IMMP2L: variants seen among roughly 807,000 people sequenced by gnomAD.
IMMP2L encodes inner mitochondrial membrane peptidase subunit 2.
Under a neutral mutation model 19.3 loss-of-function variants are expected in IMMP2L, and 18 were observed. The observed-to-expected ratio is 0.93, with a 90% confidence interval of 0.64 to 1.38. The LOEUF is 1.38. Among genes scored for constraint, IMMP2L ranks in the 40% most tolerant of loss-of-function variants. IMMP2L has a pLI of 0.00. For synonymous variants in IMMP2L, 76 were observed against 73.0 expected (o/e 1.04, Z -0.21); for missense variants, 233 against 218.2 (o/e 1.07, Z -0.43).
intron 3 of IMMP2L, among the ~76,000 whole-genome samples, chr7:111,087,172 G>A (rs367652949): frequency 5.3e-5 from 8 of 152,076 alleles, no homozygotes; most frequent in Admixed American, 2.0e-4. Context: ...TATCTTTGCC[G>A]GGCGCGGTGG....
At chr7:111,179,856 C>A (rs1035834748) in intron 3 of IMMP2L, among the ~76,000 whole-genome samples, 1 of 152,046 alleles carries the variant, frequency 6.6e-6, no homozygotes, top group Non-Finnish European at 1.5e-5. Context: ...TGCTGCTTTA[C>A]CTTACACTTT....
At chr7:111,124,677 C>A in intron 3 of IMMP2L, 1 of 1,613,728 alleles carries the variant, frequency 6.2e-7, no homozygotes, top group Non-Finnish European at 8.5e-7. Context: ...GTCTTGGAGG[C>A]CTTCTGGGGA....
chr7:110,952,460 T>G (rs896386956), intron 4 of IMMP2L, among the ~76,000 whole-genome samples: 7 of 152,130 alleles, frequency 4.6e-5, no homozygotes, highest in Admixed American at 1.3e-4. Context: ...GCTCCAAGTG[T>G]GATCTGCTTC....
At chr7:111,385,805 T>C (rs2131276417) in intron 3 of IMMP2L, among the ~76,000 whole-genome samples, 1 of 152,272 alleles carries the variant, frequency 6.6e-6, no homozygotes, top group African/African-American at 2.4e-5. Context: ...TCTTTTCCAA[T>C]GAAATATGTG....
At chr7:110,675,468 T>C (rs1430479219) in intron 5 of IMMP2L, among the ~76,000 whole-genome samples, 1 of 152,202 alleles carries the variant, frequency 6.6e-6, no homozygotes, top group Non-Finnish European at 1.5e-5. Context: ...TACTGCAAGG[T>C]TGTCGCATCA....
chr7:111,258,087 T>C (rs781501135), intron 3 of IMMP2L, among the ~76,000 whole-genome samples: 2 of 152,132 alleles, frequency 1.3e-5, no homozygotes, highest in Non-Finnish European at 2.9e-5. Context: ...CATGTTTTCC[T>C]AGCACAATGA....
intron 3 of IMMP2L, among the ~76,000 whole-genome samples, chr7:111,238,013 T>C (rs1458327266): frequency 1.3e-5 from 2 of 152,246 alleles, no homozygotes; most frequent in East Asian, 3.9e-4. Flanking sequence ...AGTTTAATGT[T>C]ATGCTGCCTA....
intron 2 of IMMP2L, among the ~76,000 whole-genome samples, chr7:111,511,524 C>T (rs1278562425): frequency 6.6e-6 from 1 of 151,800 alleles, no homozygotes; most frequent in Non-Finnish European, 1.5e-5. Flanking sequence ...TGGTGCAAGC[C>T]TGTAATCCCA....
intron 5 of IMMP2L, among the ~76,000 whole-genome samples, chr7:110,781,850 TTA>T (rs1799769443): frequency 6.6e-6 from 1 of 151,960 alleles, no homozygotes; most frequent in African/African-American, 2.4e-5. Context: ...TTCATTATAA[TTA>T]TATGTCTAAG....
intron 5 of IMMP2L, among the ~76,000 whole-genome samples, chr7:110,876,578 C>T (rs181444959): frequency 1.3e-4 from 20 of 152,216 alleles, no homozygotes; most frequent in African/African-American, 4.8e-4. Context: ...TGGTGAATTT[C>T]TCTGACAGAT....
At chr7:111,196,271 A>T (rs1451240360) in intron 3 of IMMP2L, among the ~76,000 whole-genome samples, 1 of 152,234 alleles carries the variant, frequency 6.6e-6, no homozygotes, top group Non-Finnish European at 1.5e-5. Context: ...CCCTAAAAGG[A>T]ACAAAATGCT....
intron 5 of IMMP2L, among the ~76,000 whole-genome samples, chr7:110,752,969 A>C (rs1797817323): frequency 6.6e-6 from 1 of 152,116 alleles, no homozygotes; most frequent in Non-Finnish European, 1.5e-5. Context: ...CTTTAAAGGA[A>C]AGAATCTCAT....
rs76492961 is a variant in IMMP2L, at chr7:111,020,033, T to G, written c.240-56468A>C. Among the ~76,000 whole-genome samples, 527 of 151,816 alleles carry G rather than the reference T, an allele frequency of 3.5e-3. 3 individuals are homozygous for G. Among genetic ancestry groups the G allele is most frequent in the African/African-American group, 0.012 (509 of 41,320 alleles). On this transcript the variant is annotated intron_variant, in intron 3 of 5. Coordinates refer to ENST00000405709, the MANE Select transcript of IMMP2L (RefSeq NM_032549.4). ...TATTCACTTACTCAACAGACACATATTGAATGTCTGCTATGTGCTAGGTAT... is the reference window on the plus strand; with the variant it reads ...TATTCACTTACTCAACAGACACATAGTGAATGTCTGCTATGTGCTAGGTAT...
intron 5 of IMMP2L, among the ~76,000 whole-genome samples, chr7:110,763,747 A>G (rs533931308): frequency 2.0e-5 from 3 of 152,268 alleles, no homozygotes; most frequent in South Asian, 2.1e-4. Context: ...AATAAGGGCC[A>G]TTTTAAACTA....
At chr7:111,495,293 A>G (rs1843488765) in intron 2 of IMMP2L, among the ~76,000 whole-genome samples, 2 of 152,062 alleles carry the variant, frequency 1.3e-5, no homozygotes, top group African/African-American at 2.4e-5. Context: ...GTTTTTTATA[A>G]TGAACATATA....
At chr7:110,977,663 C>A (rs910481840) in intron 3 of IMMP2L, among the ~76,000 whole-genome samples, 5 of 151,868 alleles carry the variant, frequency 3.3e-5, no homozygotes, top group African/African-American at 1.2e-4. Flanking sequence ...CAAATGACTT[C>A]TCTCTTTCCT....
chr7:110,966,165 TAGA>T (rs1371091024), intron 3 of IMMP2L, among the ~76,000 whole-genome samples: 4 of 152,070 alleles, frequency 2.6e-5, no homozygotes, highest in Non-Finnish European at 4.4e-5. Flanking sequence ...AACCGTATGT[TAGA>T]AAATATTATT....
chr7:110,978,742 C>T (rs746005717), intron 3 of IMMP2L, among the ~76,000 whole-genome samples: 11 of 151,856 alleles, frequency 7.2e-5, no homozygotes, highest in Admixed American at 2.6e-4. Context: ...GTATTTAACC[C>T]CAGTTTGAAT....
At chr7:111,046,643 C>G (rs185811434) in intron 3 of IMMP2L, among the ~76,000 whole-genome samples, 71 of 152,222 alleles carry the variant, frequency 4.7e-4, no homozygotes, top group African/African-American at 1.6e-3. Context: ...GAACTCTATA[C>G]CAGCTAAACT....
Sources: allele counts gnomAD v4.1 joint callset (sites outside exome capture counted in the v4.1 genomes callset), GRCh38; gene constraint gnomAD v4.1.1; transcripts MANE v1.5; gene names NCBI Gene and HGNC (gene_info 2026-07-23, HGNC 2026-07-21).